The following SCCPDH variants were observed in gnomAD, a reference collection of about 807,000 sequenced individuals.
SCCPDH encodes saccharopine dehydrogenase-like oxidoreductase.
SCCPDH carries 34 observed loss-of-function variants against 51.5 expected under a neutral mutation model. The ratio of observed to expected loss-of-function variants is 0.66; its 90% CI spans 0.50 to 0.88. SCCPDH has a LOEUF of 0.88. SCCPDH is among the 40% of genes least tolerant of loss of function. The probability of loss-of-function intolerance (pLI) is 0.00; values close to 1 mark genes in which losing one functional copy is unlikely to be tolerated. For synonymous variants in SCCPDH, 187 were observed against 191.3 expected (o/e 0.98, Z 0.19); for missense variants, 464 against 527.1 (o/e 0.88, Z 1.17).
At position 246,724,459 on chromosome 1, in the gene SCCPDH, T is replaced by G. The variant is rs550064177; in HGVS notation, c.37T>G (p.Phe13Val). The G allele has an allele frequency of 3.2e-5, 51 of 1,590,962 alleles. No individual in the cohort carries two copies. In the Middle Eastern group the frequency reaches 1.1e-3, roughly 34 times the overall value. The change falls in exon 1 of 12, where the codon TTC becomes GTC. Residue 13 changes from phenylalanine to valine, a missense_variant. Physicochemically the swap from Phe to Val is conservative, Grantham distance 50 (BLOSUM62 -1). Transcript: ENST00000366510. ...GCAGAGGCCTTTCCACCTGGTGGTG[T>G]TCGGCGCGTCTGGCTTCACCGGCCA... ...TEQRPFHLVV[F>V]GASGFTGQFV...
At chr1:246,765,702 T>G (rs1193410960) in intron 10 of SCCPDH, among the ~76,000 whole-genome samples, 3 of 152,176 alleles carry the variant, frequency 2.0e-5, no homozygotes, top group Non-Finnish European at 2.9e-5. Flanking sequence ...AGCAGTGCAG[T>G]GCAGTGGGTG....
chr1:246,733,243 C>T (rs1160414294), intron 2 of SCCPDH, among the ~76,000 whole-genome samples: 1 of 151,942 alleles, frequency 6.6e-6, no homozygotes, highest in East Asian at 1.9e-4. Flanking sequence ...GGTGCTATCA[C>T]ATCTGGCTAA....
In SCCPDH at chr1:246,766,127, A is replaced by G; in HGVS notation, c.1172A>G (p.His391Arg). The G allele has an allele frequency of 6.2e-7, 1 of 1,611,462 alleles. No homozygotes were observed. The highest frequency in any genetic ancestry group is 8.5e-7 in the Non-Finnish European group (1 of 1,177,930). ...AAMTLLSDAS[H>R]LPKAGGVFTP... ...ATGACTCTTCTAAGTGATGCTTCTC[A>G]TCTGCCTAAGGCGTAAGTTTGGTTT... Residue 391 changes from histidine to arginine, a missense_variant, in exon 11 of 12, where the codon CAT becomes CGT. Coordinates refer to ENST00000366510, the MANE Select transcript of SCCPDH (RefSeq NM_016002.3).
Position 246,760,197 on chromosome 1 carries a change from T to C in SCCPDH, c.960T>C (p.Tyr320=), listed in dbSNP as rs774861219. The C allele has an allele frequency of 1.2e-6, 2 of 1,610,814 alleles. No homozygotes were observed. Among genetic ancestry groups the C allele is most frequent in the South Asian group, 1.1e-5 (1 of 89,544 alleles). ...IKFPWFFSFG[Y]FSKQGPTQKQ... ...TCCCATGGTTCTTCTCCTTTGGCTA[T>C]TTTTCAAAACAAGGCCCAACACAAA... The change falls in exon 9 of 12, where the codon TAT becomes TAC. Residue 320 remains tyrosine (Y), a synonymous_variant. Coordinates refer to ENST00000366510, the MANE Select transcript of SCCPDH (RefSeq NM_016002.3).
chr1:246,748,701 C>T (rs1668806654), intron 5 of SCCPDH, among the ~76,000 whole-genome samples: 1 of 152,156 alleles, frequency 6.6e-6, no homozygotes, highest in Admixed American at 6.5e-5. Context: ...ATCTGGTTCT[C>T]CTCATGGAAC....
chr1:246,751,836 C>G (rs1668854882), intron 5 of SCCPDH, among the ~76,000 whole-genome samples: 1 of 149,870 alleles, frequency 6.7e-6, no homozygotes, highest in Non-Finnish European at 1.5e-5. Flanking sequence ...TGCAGTGGCG[C>G]AGTCTCAGCT....
chr1:246,746,549 A>T (rs1031116692), intron 5 of SCCPDH, among the ~76,000 whole-genome samples: 4 of 152,184 alleles, frequency 2.6e-5, no homozygotes, highest in Non-Finnish European at 5.9e-5. Flanking sequence ...TTATAAGAAT[A>T]AAAAGAAGTG....
In SCCPDH at chr1:246,733,780, A is replaced by T. The variant is rs537914725; in HGVS notation, c.304-2195A>T. On this transcript the variant is annotated intron_variant, in intron 2 of 11. Coordinates refer to ENST00000366510, the MANE Select transcript of SCCPDH (RefSeq NM_016002.3). The stretch of plus-strand genomic sequence containing the variant: ...GTTTGTATATGATGTTTTATAAGTA[A>T]GTGAGAAAATCAGGGGGAAGAGAAA... 4.6e-5 allele frequency among the ~76,000 whole-genome samples: 7 copies of T among 152,362 alleles called. No homozygotes were observed. In the South Asian group the frequency reaches 1.5e-3, roughly 32 times the overall value.
intron 5 of SCCPDH, among the ~76,000 whole-genome samples, chr1:246,746,107 CAAAAAAAAAAAAA>C (rs756929255): frequency 1.3e-5 from 1 of 79,586 alleles, no homozygotes; most frequent in African/African-American, 7.1e-5. Context: ...GACTCCATCT[CAAAAAAAAAAAAA>C]AAAAAAAAAA....
At chr1:246,739,042 AGTGT>A (rs201653622) in intron 3 of SCCPDH, among the ~76,000 whole-genome samples, 42 of 151,618 alleles carry the variant, frequency 2.8e-4, no homozygotes, top group Non-Finnish European at 5.5e-4. Flanking sequence ...TGCATGAGCA[AGTGT>A]GTGTGTGTGA....
At position 246,759,113 on chromosome 1, in the gene SCCPDH, A is replaced by G; in HGVS notation, c.775A>G (p.Thr259Ala). ...ATCTGATGTGTCTGTTGTAAGGAGG[A>G]CTCAACGTTACTTGTATGAAAATTT... ...MGSDVSVVRRTQRYLYENLEE... is the reference protein window; with the variant it reads ...MGSDVSVVRRAQRYLYENLEE... The change falls in exon 7 of 12, where the codon ACT (threonine) becomes GCT (alanine). Residue 259 changes from threonine (T) to alanine (A), a missense_variant. Coordinates refer to ENST00000366510, the MANE Select transcript of SCCPDH (RefSeq NM_016002.3). The G allele has an allele frequency of 6.2e-7, 1 of 1,602,012 alleles. No homozygotes were observed. Among genetic ancestry groups the G allele is most frequent in the Non-Finnish European group, 8.6e-7 (1 of 1,169,090 alleles).
chr1:246,747,199 G>A (rs560477624), intron 5 of SCCPDH, among the ~76,000 whole-genome samples: 25 of 152,018 alleles, frequency 1.6e-4, no homozygotes, highest in African/African-American at 4.1e-4. Context: ...TGTAGGCTCC[G>A]GACAGAGCAG....
At chr1:246,763,530 G>A (rs894448016) in intron 9 of SCCPDH, among the ~76,000 whole-genome samples, 3 of 152,286 alleles carry the variant, frequency 2.0e-5, no homozygotes, top group African/African-American at 7.2e-5. Context: ...TTGTGTGTGT[G>A]TATATATACA....
intron 3 of SCCPDH, 99 bp downstream of exon 3, chr1:246,736,154 C>G: frequency 1.4e-6 from 1 of 732,006 alleles, no homozygotes. Context: ...ATTTAGAAGC[C>G]GACAACTCCT....
rs376962041 is a variant in SCCPDH at position 246,724,414 on chromosome 1, G to A, written c.-9G>A. The A allele has an allele frequency of 1.3e-6, 2 of 1,557,734 alleles. No individual in the cohort carries two copies. The highest frequency in any genetic ancestry group is 1.7e-6 in the Non-Finnish European group (2 of 1,155,360). ...CCGCCCCGGGGCCTGGGCTCGCTGT[G>A]GACTCGTCATGGCGACCGAGCAGAG... On this transcript the variant is annotated 5_prime_UTR_variant, in exon 1 of 12. Transcript: ENST00000366510.
chr1:246,733,593 C>T (rs1166483517), intron 2 of SCCPDH, among the ~76,000 whole-genome samples: 1 of 151,872 alleles, frequency 6.6e-6, no homozygotes, highest in Non-Finnish European at 1.5e-5. Context: ...AGGTTTGAGC[C>T]ACCACACCTG....
chr1:246,762,357 G>A (rs565389415), intron 9 of SCCPDH, among the ~76,000 whole-genome samples: 6 of 152,210 alleles, frequency 3.9e-5, no homozygotes, highest in South Asian at 2.1e-4. Flanking sequence ...CTTCTGTCTC[G>A]TGGTTGGTAG....
intron 2 of SCCPDH, among the ~76,000 whole-genome samples, chr1:246,727,725 A>G (rs1048305116): frequency 5.9e-5 from 9 of 152,208 alleles, no homozygotes; most frequent in Non-Finnish European, 1.3e-4. Context: ...AGACTTTTCC[A>G]GGGACAGCAG....
At chr1:246,744,017 AC>A (rs764936830) in intron 4 of SCCPDH, 58 bp from the exon 5 acceptor site, 16 of 1,013,198 alleles carry the variant, frequency 1.6e-5, no homozygotes, top group Non-Finnish European at 2.3e-5. Context: ...ATTATTACTT[AC>A]CCCAAATAAT....
Sources: allele counts gnomAD v4.1 joint callset (sites outside exome capture counted in the v4.1 genomes callset), GRCh38; gene constraint gnomAD v4.1.1; transcripts MANE v1.5; gene names NCBI Gene and HGNC (gene_info 2026-07-23, HGNC 2026-07-21).